ERC2: variants seen among roughly 807,000 people sequenced by gnomAD.
The protein encoded by ERC2 is ELKS/RAB6-interacting/CAST family member 2, also known as ERC protein 2.
In ERC2, 42 loss-of-function variants were observed where a neutral mutation model predicts 114.8. The observed-to-expected ratio is 0.37, with a 90% CI of 0.29 to 0.47. ERC2 has a LOEUF of 0.47. ERC2 is among the 20% of genes least tolerant of loss of function. The probability of loss-of-function intolerance (pLI) is 0.99; values close to 1 mark genes in which losing one functional copy is unlikely to be tolerated. For missense variants in ERC2, 939 were observed against 1,150.7 expected (o/e 0.82, Z 2.66); for synonymous variants, 454 against 425.5 (o/e 1.07, Z -0.82).
intron 2 of ERC2, among the ~76,000 whole-genome samples, chr3:56,424,919 C>G (rs1483883481): frequency 6.6e-6 from 1 of 152,124 alleles, no homozygotes; most frequent in Non-Finnish European, 1.5e-5. Context: ...AGCACTCACA[C>G]TTCAACTCGG....
At chr3:56,404,076 A>C (rs902225622) in intron 2 of ERC2, among the ~76,000 whole-genome samples, 21 of 152,360 alleles carry the variant, frequency 1.4e-4, no homozygotes, top group African/African-American at 5.0e-4. Flanking sequence ...CAAGTACCAC[A>C]GACTTTTGCA....
chr3:56,260,776 C>T, intron 3 of ERC2, among the ~76,000 whole-genome samples: 1 of 152,242 alleles, frequency 6.6e-6, no homozygotes, highest in East Asian at 1.9e-4. Context: ...ATTATCATCA[C>T]TTTCTTGCTG....
rs754616772 is a variant in ERC2, at chr3:55,888,477, T to C, written c.2476A>G (p.Thr826Ala). ...TCTTTTTCGGCCAGGGACTGTTGTGTGGAGGCGAGGCGTGCTTTGGTGGCA... is the reference window on the plus strand; with the variant it reads ...TCTTTTTCGGCCAGGGACTGTTGTGCGGAGGCGAGGCGTGCTTTGGTGGCA... Reference protein sequence around the residue: ...LDATKARLASTQQSLAEKEAH... With the variant: ...LDATKARLASAQQSLAEKEAH... Residue 826 changes from threonine to alanine, a missense_variant, in exon 14 of 18, where the codon ACA becomes GCA. By Grantham distance (58) the Thr-to-Ala change is moderately conservative. Around this residue, in one of 5 missense-constraint regions of ERC2, gnomAD observed 328 missense variants for 353.9 expected, o/e 0.93. Transcript: ENST00000288221. 28 of 1,613,760 alleles carry C rather than the reference T, an allele frequency of 1.7e-5. No individual in the cohort carries two copies. Among genetic ancestry groups the C allele is most frequent in the Non-Finnish European group, 1.9e-5 (23 of 1,179,848 alleles).
chr3:55,827,846 T>C (rs2060394664), intron 14 of ERC2, among the ~76,000 whole-genome samples: 1 of 152,198 alleles, frequency 6.6e-6, no homozygotes, highest in South Asian at 2.1e-4. Flanking sequence ...AGAAAAGTAC[T>C]ACAACCCATG....
intron 1 of ERC2, among the ~76,000 whole-genome samples, chr3:56,461,063 G>A (rs6783666): frequency 0.83 from 125,278 of 150,092 alleles, 52,530 homozygotes; most frequent in East Asian, 0.92. Context: ...AACTTTTTAA[G>A]CATGAAAACA....
intron 4 of ERC2, among the ~76,000 whole-genome samples, chr3:56,167,114 C>T (rs1281563416): frequency 6.6e-6 from 1 of 152,142 alleles, no homozygotes; most frequent in African/African-American, 2.4e-5. Flanking sequence ...TTTTCCAAGG[C>T]TTTCTCCAAA....
At chr3:56,292,613 A>C (rs1216258361) in intron 3 of ERC2, among the ~76,000 whole-genome samples, 1 of 151,630 alleles carries the variant, frequency 6.6e-6, no homozygotes, top group Non-Finnish European at 1.5e-5. Context: ...CAAAAAAAAG[A>C]AAAGAAAAGG....
intron 17 of ERC2, among the ~76,000 whole-genome samples, chr3:55,643,426 G>A (rs1407431377): frequency 2.0e-5 from 3 of 152,102 alleles, no homozygotes; most frequent in African/African-American, 4.8e-5. Context: ...CCTCCTCTAG[G>A]GTGTGGTTCT....
rs1346562710 is a variant in ERC2 at position 55,508,703 on chromosome 3, A to G, written c.*2613T>C. 1 of 152,596 alleles carries G rather than the reference A, an allele frequency of 6.6e-6. No individual in the cohort carries two copies. The highest frequency in any genetic ancestry group is 1.5e-5 in the Non-Finnish European group (1 of 68,032). The allele number at this position is 152,596 out of a possible 1,614,324, so 9.5% of individuals were successfully genotyped here. The stretch of plus-strand genomic sequence containing the variant: ...ACACATCTGAGGTCTCGTCATAAAC[A>G]CTGTTTAAAAAGTAAATTGAAACCC... On this transcript the variant is annotated 3_prime_UTR_variant, in exon 18 of 18. Coordinates refer to ENST00000288221, the MANE Select transcript of ERC2 (RefSeq NM_015576.3).
At chr3:56,040,860 G>T (rs1242295071) in intron 7 of ERC2, among the ~76,000 whole-genome samples, 4 of 150,364 alleles carry the variant, frequency 2.7e-5, no homozygotes, top group Admixed American at 6.6e-5. Flanking sequence ...TTTTCTAAGG[G>T]TATTATTTTC....
intron 4 of ERC2, among the ~76,000 whole-genome samples, chr3:56,156,519 G>C (rs2081729904): frequency 6.6e-6 from 1 of 152,144 alleles, no homozygotes; most frequent in Non-Finnish European, 1.5e-5. Context: ...CTCTTTAGTA[G>C]CTGAATTTGG....
chr3:56,174,196 C>T (rs532984272), intron 3 of ERC2, among the ~76,000 whole-genome samples: 5 of 152,272 alleles, frequency 3.3e-5, no homozygotes, highest in Non-Finnish European at 5.9e-5. Flanking sequence ...ACCCCTGGAA[C>T]GATGATGAAC....
intron 2 of ERC2, among the ~76,000 whole-genome samples, chr3:56,305,265 C>T (rs1461677440): frequency 6.6e-6 from 1 of 151,816 alleles, no homozygotes; most frequent in East Asian, 1.9e-4. Context: ...AGAGATGATG[C>T]TTGCAATACA....
chr3:56,195,949 G>A (rs1052658703), intron 3 of ERC2, among the ~76,000 whole-genome samples: 1 of 152,156 alleles, frequency 6.6e-6, no homozygotes, highest in Non-Finnish European at 1.5e-5. Context: ...GGACAGCAGG[G>A]GACAAAGGAG....
chr3:56,099,869 T>C (rs1167359523), intron 6 of ERC2, among the ~76,000 whole-genome samples: 1 of 152,200 alleles, frequency 6.6e-6, no homozygotes, highest in Non-Finnish European at 1.5e-5. Flanking sequence ...CATCTTGCCT[T>C]TCCCCCTTGC....
rs148324846 is a variant in ERC2 at position 55,595,665 on chromosome 3, C to T, written c.*40-84389G>A. 2.5e-3 allele frequency among the ~76,000 whole-genome samples: 383 copies of T among 152,238 alleles called. 1 individual carries two copies. Among genetic ancestry groups the T allele is most frequent in the Non-Finnish European group, 3.6e-3 (244 of 68,012 alleles). On this transcript the variant is annotated intron_variant, in intron 17 of 17. Coordinates refer to ENST00000288221, the MANE Select transcript of ERC2 (RefSeq NM_015576.3). Reference sequence around the variant, plus strand: ...CTAATGAAAATGTCAGTGTTTTATGCAGTTTAAAAACTGACAATTCAACAG... The same window carrying T: ...CTAATGAAAATGTCAGTGTTTTATGTAGTTTAAAAACTGACAATTCAACAG...
chr3:56,285,837 T>G (rs1447243872), intron 3 of ERC2, among the ~76,000 whole-genome samples: 1 of 152,138 alleles, frequency 6.6e-6, no homozygotes, highest in Admixed American at 6.5e-5. Context: ...GGCTAAAAAG[T>G]GTCAATAAAC....
chr3:55,985,542 C>T (rs1350801446), intron 12 of ERC2, among the ~76,000 whole-genome samples: 1 of 152,184 alleles, frequency 6.6e-6, no homozygotes, highest in Non-Finnish European at 1.5e-5. Flanking sequence ...AAAGTCTGAA[C>T]AGTTTGCACT....
At chr3:55,706,091 CT>C (rs966057134) in intron 15 of ERC2, among the ~76,000 whole-genome samples, 13 of 152,148 alleles carry the variant, frequency 8.5e-5, no homozygotes, top group African/African-American at 3.1e-4. Flanking sequence ...GCTCACGCCC[CT>C]GAAACAACTC....
Sources: gnomAD v4.1 joint callset for allele counts (sites outside exome capture counted in the v4.1 genomes callset) on GRCh38, gnomAD v4.1.1 for gene constraint, gnomAD v4.1.1 regional missense constraint, MANE v1.5 for transcripts, NCBI Gene and HGNC (gene_info 2026-07-23, HGNC 2026-07-21) for gene names.